Variants in SPINT1 observed in about 807,000 individuals in gnomAD.
The protein encoded by SPINT1 is serine peptidase inhibitor, Kunitz type 1.
In SPINT1, 38 loss-of-function variants were observed where a neutral mutation model predicts 53.7. The ratio of observed to expected loss-of-function variants is 0.71; its 90% CI spans 0.55 to 0.93. The LOEUF (loss-of-function observed/expected upper bound fraction) is 0.93. Ranked by LOEUF, SPINT1 falls within the 40% of genes least tolerant of loss-of-function variation. The probability of loss-of-function intolerance (pLI) is 0.00; values close to 1 mark genes in which losing one functional copy is unlikely to be tolerated. For synonymous variants in SPINT1, 283 were observed against 280.6 expected, an observed-to-expected ratio of 1.01 and a Z score of -0.08; for missense variants, 645 against 692.9, an observed-to-expected ratio of 0.93 and a Z score of 0.78.
At position 40,856,789 on chromosome 15, in the gene SPINT1, C is replaced by T. The variant is rs774323770; in HGVS notation, c.1356C>T (p.Val452=). 6.2e-6 allele frequency: 10 copies of T among 1,614,186 alleles called. No homozygotes were observed. The highest frequency in any genetic ancestry group is 4.5e-5 in the East Asian group (2 of 44,892). The change falls in exon 11 of 11, where the codon GTC becomes GTT. Residue 452 remains valine (V), a synonymous_variant. Coordinates refer to ENST00000562057, the MANE Select transcript of SPINT1 (RefSeq NM_003710.4). ...CCCCAGGCTCTGTGGAGATGGCTGT[C>T]GCAGTGTTCCTGGTCATCTGCATTG... The part of the protein sequence containing the change: ...IPSTGSVEMA[V]AVFLVICIVV...
chr15:40,850,456 G>T (rs116786220), intron 2 of SPINT1, among the ~76,000 whole-genome samples: 27 of 152,350 alleles, frequency 1.8e-4, no homozygotes, highest in African/African-American at 6.5e-4. Flanking sequence ...TATAGCTGAT[G>T]CAGGTAGAGT....
At chr15:40,854,735 T>A in intron 8 of SPINT1, 46 bp downstream of exon 8, 2 of 1,609,156 alleles carry the variant, frequency 1.2e-6, no homozygotes, top group Non-Finnish European at 1.7e-6. Flanking sequence ...ACGCTGACAC[T>A]GCCATCCTCA....
chr15:40,854,474 G>C lies in SPINT1; in HGVS notation c.1018G>C (p.Asp340His). ...CCIDSFLECD[D>H]TPNCPDASDE... Reference sequence around the variant, plus strand: ...CATCGACAGTTTCCTGGAGTGTGACGACACCCCCAACTGCCCCGACGCCTC... The same window carrying C: ...CATCGACAGTTTCCTGGAGTGTGACCACACCCCCAACTGCCCCGACGCCTC... The change falls in exon 7 of 11, where the codon GAC becomes CAC. Residue 340 changes from aspartate to histidine, a missense_variant. Physicochemically the swap from Asp to His is moderately conservative, Grantham distance 81. Coordinates refer to ENST00000562057, the MANE Select transcript of SPINT1 (RefSeq NM_003710.4). The C allele has an allele frequency of 6.2e-7, 1 of 1,613,432 alleles. No homozygotes were observed. The highest frequency in any genetic ancestry group is 8.5e-7 in the Non-Finnish European group (1 of 1,179,914).
intron 3 of SPINT1, 85 bp downstream of exon 3, chr15:40,853,336 G>A: frequency 6.2e-7 from 1 of 1,604,928 alleles, no homozygotes. Flanking sequence ...CCAACCAATG[G>A]CCCCGGATGG....
In SPINT1 at chr15:40,844,351, C is replaced by T. The variant is rs565330442; in HGVS notation, c.-65-139C>T. 1.6e-4 allele frequency: 103 copies of T among 647,844 alleles called. No individual in the cohort carries two copies. Among genetic ancestry groups the T allele is most frequent in the East Asian group, 1.4e-3 (51 of 36,628 alleles). 40.1% of individuals were successfully genotyped at this position (647,844 alleles called of 1,614,324 possible). On this transcript the variant is annotated intron_variant, in intron 1 of 10. Transcript: ENST00000562057. This position sits in a 1 kb window ranked among gnomAD's most constrained non-coding sequence, Gnocchi z 5.8. Reference sequence around the variant, plus strand: ...GGTCCCTGGAGGGCGCGTGGGAGGGCCGGGCCCGTGCGCCCTCTTCGATCC... The same window carrying T: ...GGTCCCTGGAGGGCGCGTGGGAGGGTCGGGCCCGTGCGCCCTCTTCGATCC...
In SPINT1 at chr15:40,854,508, CT is replaced by C. The variant is rs777215407; in HGVS notation, c.1053del (p.Ala352ProfsTer85). The stretch of plus-strand genomic sequence containing the variant: ...AACTGCCCCGACGCCTCCGACGAGG[CT>C]GCCTGTGAAAAATGTGAGGCCTGGG... ...TPNCPDASDE[A>X]ACEKYTSGFD... is the part of the protein sequence containing the mutation. On this transcript the variant is annotated frameshift_variant, in exon 7 of 11. Coordinates refer to ENST00000562057, the MANE Select transcript of SPINT1 (RefSeq NM_003710.4). LOFTEE classifies it high-confidence loss of function. 5.3e-5 allele frequency: 85 copies of C among 1,613,376 alleles called. No homozygotes were observed. Among genetic ancestry groups the C allele is most frequent in the Non-Finnish European group, 6.2e-5 (73 of 1,179,858 alleles).
Position 40,844,599 on chromosome 15 carries a change from C to T in SPINT1, c.45C>T (p.Ala15=), listed in dbSNP as rs1216039964. 1 of 1,609,840 alleles carries T rather than the reference C, an allele frequency of 6.2e-7. No homozygotes were observed. The highest frequency in any genetic ancestry group is 1.7e-5 in the Admixed American group (1 of 59,892). The part of the protein sequence containing the change: ...RTMARARLAP[A]GIPAVALWLL... Reference sequence around the variant, plus strand: ...TGGCCCGCGCCCGCCTCGCCCCGGCCGGCATCCCTGCCGTCGCCTTGTGGC... The same window carrying T: ...TGGCCCGCGCCCGCCTCGCCCCGGCTGGCATCCCTGCCGTCGCCTTGTGGC... The change falls in exon 2 of 11, where the codon GCC becomes GCT. Residue 15 remains alanine, a synonymous_variant. Coordinates refer to ENST00000562057, the MANE Select transcript of SPINT1 (RefSeq NM_003710.4). This position sits in a 1 kb window ranked among gnomAD's most constrained non-coding sequence, Gnocchi z 5.8.
At chr15:40,856,562 G>A (rs1185942596) in intron 10 of SPINT1, among the ~76,000 whole-genome samples, 1 of 152,128 alleles carries the variant, frequency 6.6e-6, no homozygotes, top group Non-Finnish European at 1.5e-5. Context: ...CAAGGAGAGC[G>A]ACTTGAGCTG....
rs891114031 is a variant in SPINT1, at chr15:40,853,826, C to G, written c.858C>G (p.Asn286Lys). Residue 286 changes from asparagine (N) to lysine (K), a missense_variant, in exon 5 of 11, where the codon AAC becomes AAG. Coordinates refer to ENST00000562057, the MANE Select transcript of SPINT1 (RefSeq NM_003710.4). ...TCGTTTATGGAGGCTGCTTGGGCAACAAGAACAACTACCTTCGGGAAGAAG... is the reference window on the plus strand; with the variant it reads ...TCGTTTATGGAGGCTGCTTGGGCAAGAAGAACAACTACCTTCGGGAAGAAG... ...KSFVYGGCLG[N>K]KNNYLREEEC... 3 of 1,614,228 alleles carry G rather than the reference C, an allele frequency of 1.9e-6. No individual in the cohort carries two copies. Among genetic ancestry groups the G allele is most frequent in the Non-Finnish European group, 2.5e-6 (3 of 1,180,028 alleles).
intron 2 of SPINT1, 152 bp from the exon 3 acceptor site, chr15:40,852,972 C>A: frequency 1.2e-6 from 1 of 850,368 alleles, no homozygotes; most frequent in African/African-American, 1.7e-5. Context: ...GAAGCTGGTT[C>A]TGTTGGGGGC....
At position 40,844,130 on chromosome 15, in the gene SPINT1, C is replaced by G. The variant is rs1440102075; in HGVS notation, c.-122C>G. 1 of 438,868 alleles carries G rather than the reference C, an allele frequency of 2.3e-6. No individual in the cohort carries two copies. Among genetic ancestry groups the G allele is most frequent in the Non-Finnish European group, 4.5e-6 (1 of 222,758 alleles). The allele number at this position is 438,868 out of a possible 1,614,324, so 27.2% of individuals were successfully genotyped here. Reference sequence around the variant, plus strand: ...GTCGGAAGCCGCGACCCGAGCCGCGCAGGAAGCTGGGACCGGAACCTCGGC... The same window carrying G: ...GTCGGAAGCCGCGACCCGAGCCGCGGAGGAAGCTGGGACCGGAACCTCGGC... On this transcript the variant is annotated 5_prime_UTR_variant, in exon 1 of 11. Transcript: ENST00000562057. This position sits in a 1 kb window ranked among gnomAD's most constrained non-coding sequence, Gnocchi z 5.8.
rs113258061 is a variant in SPINT1 at position 40,856,081 on chromosome 15, G to A, written c.1288+19G>A. ...ATCTCCAGTGAGTGGGCCAGTGAGAGGGTGGGCATGTATGGGGGAAGGCTT... is the reference window on the plus strand; with the variant it reads ...ATCTCCAGTGAGTGGGCCAGTGAGAAGGTGGGCATGTATGGGGGAAGGCTT... On this transcript the variant is annotated intron_variant, in intron 9 of 10. Coordinates refer to ENST00000562057, the MANE Select transcript of SPINT1 (RefSeq NM_003710.4). 1.9e-6 allele frequency: 3 copies of A among 1,613,180 alleles called. No individual in the cohort carries two copies. Among genetic ancestry groups the A allele is most frequent in the African/African-American group, 1.3e-5 (1 of 75,062 alleles).
chr15:40,852,908 A>G (rs994676133), intron 2 of SPINT1, among the ~76,000 whole-genome samples: 1 of 151,932 alleles, frequency 6.6e-6, no homozygotes, highest in Non-Finnish European at 1.5e-5. Flanking sequence ...GTGGGTTACA[A>G]CATAAAAATA....
chr15:40,854,320 G>A (rs1891562469), intron 6 of SPINT1, 77 bp from the exon 7 acceptor site: 1 of 1,506,768 alleles, frequency 6.6e-7, no homozygotes, highest in Non-Finnish European at 8.8e-7. Context: ...CTGTGTCTGG[G>A]CAGAGAGGGC....
Position 40,857,219 on chromosome 15 carries a change from T to A in SPINT1, c.*244T>A. 1 of 573,604 alleles carries A rather than the reference T, an allele frequency of 1.7e-6. No homozygotes were observed. Among genetic ancestry groups the A allele is most frequent in the South Asian group, 2.4e-5 (1 of 41,986 alleles). The allele number at this position is 573,604 out of a possible 1,614,324, so 35.5% of individuals were successfully genotyped here. On this transcript the variant is annotated 3_prime_UTR_variant, in exon 11 of 11. Coordinates refer to ENST00000562057, the MANE Select transcript of SPINT1 (RefSeq NM_003710.4). ...ACCAGACTAGATGGACCTGCCTGCATAGGAGTTTGGAGGAAGTTGGAGTTT... is the reference window on the plus strand; with the variant it reads ...ACCAGACTAGATGGACCTGCCTGCAAAGGAGTTTGGAGGAAGTTGGAGTTT...
In SPINT1 at chr15:40,847,321, AG is replaced by A. The variant is rs367716454; in HGVS notation, c.475+2295del. 4.5e-4 allele frequency among the ~76,000 whole-genome samples: 69 copies of A among 152,316 alleles called. No homozygotes were observed. In the Middle Eastern group the frequency reaches 0.01, roughly 23 times the overall value. On this transcript the variant is annotated intron_variant, in intron 2 of 10. Coordinates refer to ENST00000562057, the MANE Select transcript of SPINT1 (RefSeq NM_003710.4). ...AGAGAGGTTGGAGGTGGGTAATGAC[AG>A]GGTAGAGCCATTAAGGGCTAGGGTG...
rs1323818310 is a variant in SPINT1, at chr15:40,857,991, A to C, written c.*1016A>C. The C allele has an allele frequency of 3.9e-5, 6 of 152,108 alleles. No homozygotes were observed. Among genetic ancestry groups the C allele is most frequent in the Non-Finnish European group, 7.4e-5 (5 of 68,020 alleles). The allele number at this position is 152,108 out of a possible 1,614,324, so 9.4% of individuals were successfully genotyped here. A position where few individuals can be genotyped will look rare whatever the true frequency, so the allele number is the denominator to read the frequency against. On this transcript the variant is annotated 3_prime_UTR_variant, in exon 11 of 11. Coordinates refer to ENST00000562057, the MANE Select transcript of SPINT1 (RefSeq NM_003710.4). Reference sequence around the variant, plus strand: ...AGGTTGGGGTTAGGGGTGCACAGGCACCTTGGCTCCTACCTCCATGTTAGG... The same window carrying C: ...AGGTTGGGGTTAGGGGTGCACAGGCCCCTTGGCTCCTACCTCCATGTTAGG...
chr15:40,845,318 A>ATTTTTTTTTTTTTT (rs34480117), intron 2 of SPINT1, among the ~76,000 whole-genome samples: 2 of 58,182 alleles, frequency 3.4e-5, no homozygotes, highest in Non-Finnish European at 6.1e-5. Context: ...GACCCGGCTA[A>ATTTTTTTTTTTTTT]TTTTTTTTTT....
Position 40,854,477 on chromosome 15 carries a change from AC to A in SPINT1, c.1026del (p.Asn343ThrfsTer94). ...CGACAGTTTCCTGGAGTGTGACGAC[AC>A]CCCCAACTGCCCCGACGCCTCCGAC... ...CIDSFLECDD[T>X]PNCPDASDEA... On this transcript the variant is annotated frameshift_variant, in exon 7 of 11. Coordinates refer to ENST00000562057, the MANE Select transcript of SPINT1 (RefSeq NM_003710.4). LOFTEE classifies it high-confidence loss of function. The A allele has an allele frequency of 6.2e-7, 1 of 1,613,324 alleles. No homozygotes were observed. Among genetic ancestry groups the A allele is most frequent in the Non-Finnish European group, 8.5e-7 (1 of 1,179,884 alleles).
Sources: gnomAD v4.1 joint callset for allele counts (sites outside exome capture counted in the v4.1 genomes callset) on GRCh38, gnomAD v4.1.1 for gene constraint, Gnocchi (gnomAD v3.1) non-coding constraint, MANE v1.5 for transcripts, NCBI Gene and HGNC (gene_info 2026-07-23, HGNC 2026-07-21) for gene names.